Variants in JAK2 observed in about 807,000 individuals in gnomAD.
JAK2 encodes the protein tyrosine-protein kinase JAK2.
Under a neutral mutation model 139.3 loss-of-function variants are expected in JAK2, and 86 were observed. That is an observed-to-expected ratio of 0.62 (90% CI 0.52 to 0.74). The LOEUF (loss-of-function observed/expected upper bound fraction) is 0.74. Ranked by LOEUF, JAK2 falls within the 30% of genes least tolerant of loss-of-function variation. The pLI, the probability that JAK2 is intolerant of heterozygous loss-of-function variation, is 0.00. For synonymous variants in JAK2, 490 were observed against 437.7 expected (o/e 1.12, Z -1.49); for missense variants, 1,421 against 1,360.3 (o/e 1.04, Z -0.70).
chr9:5,122,188 T>A (rs1823670802), intron 22 of JAK2, among the ~76,000 whole-genome samples: 1 of 152,086 alleles, frequency 6.6e-6, no homozygotes. Flanking sequence ...ATTTTTAATA[T>A]CAGTCTAAAA....
At chr9:5,113,956 T>G (rs1158642956) in intron 22 of JAK2, 2 of 263,514 alleles carry the variant, frequency 7.6e-6, no homozygotes, top group Non-Finnish European at 1.5e-5. Flanking sequence ...CATCTCTGGG[T>G]ACACCCAGGT....
intron 2 of JAK2, among the ~76,000 whole-genome samples, chr9:5,005,778 T>G (rs1311619050): frequency 6.6e-6 from 1 of 152,236 alleles, no homozygotes; most frequent in Non-Finnish European, 1.5e-5. Flanking sequence ...GCAAAGTCAC[T>G]GGGCATTACA....
intron 10 of JAK2, among the ~76,000 whole-genome samples, chr9:5,068,737 T>C (rs1818741550): frequency 6.6e-6 from 1 of 152,356 alleles, no homozygotes; most frequent in Middle Eastern, 3.4e-3. Context: ...CTTTATCTTA[T>C]AAATGATGGA....
At chr9:5,003,878 A>G (rs1821095403) in intron 2 of JAK2, among the ~76,000 whole-genome samples, 1 of 152,010 alleles carries the variant, frequency 6.6e-6, no homozygotes, top group South Asian at 2.1e-4. Context: ...TTTTATTCCT[A>G]GTTTGAGATT....
chr9:5,022,041 T>C lies in JAK2; in HGVS notation c.54T>C (p.Ser18=). Residue 18 remains serine (S), a synonymous_variant, in exon 3 of 25, where the codon TCT becomes TCC. Transcript: ENST00000381652. ...MTEMEGTSTS[S]IYQNGDISGN... ...AAATGGAGGGAACATCCACCTCTTC[T>C]ATATATCAGAATGGTGATATTTCTG... The C allele has an allele frequency of 6.2e-7, 1 of 1,614,172 alleles. No homozygotes were observed. The highest frequency in any genetic ancestry group is 8.5e-7 in the Non-Finnish European group (1 of 1,179,968).
At chr9:5,116,947 G>A (rs892412409) in intron 22 of JAK2, among the ~76,000 whole-genome samples, 10 of 152,212 alleles carry the variant, frequency 6.6e-5, no homozygotes, top group African/African-American at 2.4e-4. Context: ...ATTTATGTAA[G>A]ATAACTAAGA....
At chr9:5,044,961 T>G (rs1816895767) in intron 5 of JAK2, among the ~76,000 whole-genome samples, 1 of 152,190 alleles carries the variant, frequency 6.6e-6, no homozygotes, top group South Asian at 2.1e-4. Context: ...TCTGATAGTT[T>G]GTTTAGCTGT....
At chr9:5,013,252 A>G (rs1426875651) in intron 2 of JAK2, among the ~76,000 whole-genome samples, 1 of 152,334 alleles carries the variant, frequency 6.6e-6, no homozygotes, top group African/African-American at 2.4e-5. Context: ...TTTAGAGTAC[A>G]ATACAAAATT....
At chr9:5,097,828 A>G (rs749128459) in intron 22 of JAK2, 2 of 152,212 alleles carry the variant, frequency 1.3e-5, no homozygotes, top group African/African-American at 2.4e-5. Flanking sequence ...GTTCGCCATC[A>G]TAGGAGGCTT....
At chr9:5,032,614 C>T (rs1341734788) in intron 4 of JAK2, among the ~76,000 whole-genome samples, 2 of 152,274 alleles carry the variant, frequency 1.3e-5, no homozygotes, top group African/African-American at 4.8e-5. Flanking sequence ...GCAGCCACTG[C>T]TGCTGGTACC....
chr9:5,072,694 A>G (rs1316979865), intron 13 of JAK2, 68 bp downstream of exon 13: 2 of 1,179,106 alleles, frequency 1.7e-6, no homozygotes, highest in Non-Finnish European at 1.1e-6. Flanking sequence ...TATGCATACA[A>G]CGTACTCATG....
At chr9:5,010,693 T>A (rs1821642502) in intron 2 of JAK2, among the ~76,000 whole-genome samples, 1 of 152,248 alleles carries the variant, frequency 6.6e-6, no homozygotes, top group South Asian at 2.1e-4. Flanking sequence ...TTACTATTTT[T>A]GAGCTCTTCA....
Position 5,069,072 on chromosome 9 carries a change from T to C in JAK2, c.1377T>C (p.Asn459=), listed in dbSNP as rs143020417. The C allele has an allele frequency of 3.1e-6, 5 of 1,605,372 alleles. No individual in the cohort carries two copies. Among genetic ancestry groups the C allele is most frequent in the African/African-American group, 2.7e-5 (2 of 74,410 alleles). Residue 459 remains asparagine, a synonymous_variant, in exon 11 of 25, where the codon AAT becomes AAC. Coordinates refer to ENST00000381652, the MANE Select transcript of JAK2 (RefSeq NM_004972.4). ...YKHCLITKNE[N]EEYNLSGTKK... is the part of the protein sequence containing the mutation. ...ACTGTTTGATTACAAAAAATGAGAA[T>C]GAAGAGTACAACCTCAGTGGGACAA...
At chr9:5,113,343 T>C (rs1372002457) in intron 22 of JAK2, among the ~76,000 whole-genome samples, 1 of 150,724 alleles carries the variant, frequency 6.6e-6, no homozygotes, top group Non-Finnish European at 1.5e-5. Context: ...TGTGGAAACT[T>C]GGCTTATTCT....
chr9:5,115,940 G>C (rs1467523862), intron 22 of JAK2, among the ~76,000 whole-genome samples: 1 of 152,100 alleles, frequency 6.6e-6, no homozygotes, highest in Non-Finnish European at 1.5e-5. Flanking sequence ...ATAGCTTTAA[G>C]AGAAATACCT....
rs188138089 is a variant in JAK2, at chr9:5,041,142, G to T, written c.351-3261G>T. On this transcript the variant is annotated intron_variant, in intron 4 of 24. Transcript: ENST00000381652. Reference sequence around the variant, plus strand: ...AAGACGGTGCTCCTGATCGCCATCCGGCTGATCACGCGCATGGATTATGTG... The same window carrying T: ...AAGACGGTGCTCCTGATCGCCATCCTGCTGATCACGCGCATGGATTATGTG... 5.6e-6 allele frequency: 6 copies of T among 1,065,446 alleles called. No homozygotes were observed. The East Asian group carries it at 9.7e-5, about 17-fold the overall frequency. 66.0% of individuals were successfully genotyped at this position (1,065,446 alleles called of 1,614,324 possible).
At chr9:5,043,287 T>C (rs997241248) in intron 4 of JAK2, among the ~76,000 whole-genome samples, 25 of 152,150 alleles carry the variant, frequency 1.6e-4, no homozygotes, top group Middle Eastern at 3.4e-3. Flanking sequence ...TGATGCTCTT[T>C]TGAAGCCATA....
intron 4 of JAK2, chr9:5,041,633 T>G (rs754448083): frequency 2.0e-6 from 1 of 501,230 alleles, no homozygotes. Context: ...GCCTGGACTT[T>G]GAGAAGCTCG....
At chr9:5,030,183 C>A (rs1484046340) in intron 4 of JAK2, among the ~76,000 whole-genome samples, 1 of 152,052 alleles carries the variant, frequency 6.6e-6, no homozygotes, top group Non-Finnish European at 1.5e-5. Flanking sequence ...ATCACAGTGG[C>A]CTTTATTAAC....
Sources: gnomAD v4.1 joint callset for allele counts (sites outside exome capture counted in the v4.1 genomes callset) on GRCh38, gnomAD v4.1.1 for gene constraint, MANE v1.5 for transcripts, NCBI Gene and HGNC (gene_info 2026-07-23, HGNC 2026-07-21) for gene names.